FER1L6: variants seen among roughly 807,000 people sequenced by gnomAD.
FER1L6 encodes fer-1-like protein 6.
FER1L6 carries 177 observed loss-of-function variants against 219.2 expected under a neutral mutation model. The ratio of observed to expected loss-of-function variants is 0.81; its 90% CI spans 0.71 to 0.91. The LOEUF (loss-of-function observed/expected upper bound fraction) is 0.91. Ranked by LOEUF, FER1L6 falls within the 40% of genes least tolerant of loss-of-function variation. FER1L6 has a pLI of 0.00. For missense variants in FER1L6, 2,153 were observed against 2,259.9 expected (o/e 0.95, Z 0.96); for synonymous variants, 768 against 824.3 (o/e 0.93, Z 1.17).
chr8:123,978,997 A>C (rs1586546358), intron 10 of FER1L6, among the ~76,000 whole-genome samples: 1 of 152,350 alleles, frequency 6.6e-6, no homozygotes, highest in East Asian at 1.9e-4. Context: ...TCAGTGATTT[A>C]AAATATAGAC....
At chr8:123,948,241 C>A (rs953863310) in intron 1 of FER1L6, among the ~76,000 whole-genome samples, 2 of 152,206 alleles carry the variant, frequency 1.3e-5, no homozygotes, top group African/African-American at 4.8e-5. Context: ...TGAGGATTTA[C>A]TCAAGGTTGC....
intron 1 of FER1L6, among the ~76,000 whole-genome samples, chr8:123,890,625 A>ATT (rs59914385): frequency 0.16 from 14,276 of 90,942 alleles, 1,627 homozygotes; most frequent in African/African-American, 0.19. Flanking sequence ...TAAAAATTTG[A>ATT]TTTTTTTTTT....
At chr8:123,973,010 C>T (rs964195356) in intron 6 of FER1L6, among the ~76,000 whole-genome samples, 1 of 152,154 alleles carries the variant, frequency 6.6e-6, no homozygotes, top group Non-Finnish European at 1.5e-5. Flanking sequence ...TGATTCAAGG[C>T]AATATGTGAT....
At chr8:123,934,959 C>A (rs1321288562) in intron 1 of FER1L6, among the ~76,000 whole-genome samples, 3 of 152,164 alleles carry the variant, frequency 2.0e-5, no homozygotes, top group Non-Finnish European at 4.4e-5. Flanking sequence ...TTTCCTGAGG[C>A]CTTCCAGTCA....
At chr8:124,095,969 C>T (rs999467696) in intron 35 of FER1L6, among the ~76,000 whole-genome samples, 4 of 152,338 alleles carry the variant, frequency 2.6e-5, no homozygotes, top group Admixed American at 2.0e-4. Flanking sequence ...CAGGTTCACA[C>T]CCCGAGCCAG....
In FER1L6 at chr8:124,029,350, G is replaced by A. The variant is rs965708387; in HGVS notation, c.2286+5754G>A. On this transcript the variant is annotated intron_variant, in intron 18 of 40. Transcript: ENST00000522917. ...TCTGGTTCTAGATCCTTGAGGAATCGCCACACTGTCTTCCACAGTGGTTGA... is the reference window on the plus strand; with the variant it reads ...TCTGGTTCTAGATCCTTGAGGAATCACCACACTGTCTTCCACAGTGGTTGA... Among the ~76,000 whole-genome samples, 11 of 152,258 alleles carry A rather than the reference G, an allele frequency of 7.2e-5. No homozygotes were observed. In the South Asian group the frequency reaches 8.3e-4, roughly 11 times the overall value.
chr8:123,956,186 G>A lies in FER1L6; in HGVS notation c.76+112G>A, dbSNP rs560010006. On this transcript the variant is annotated intron_variant, in intron 2 of 40. Coordinates refer to ENST00000522917, the MANE Select transcript of FER1L6 (RefSeq NM_001039112.2). ...AATGGGAGCGAGGGGGAGTGTGAAT[G>A]TGCTGCCCCCGACCCTTTAGGTCCT... 40 of 970,124 alleles carry A rather than the reference G, an allele frequency of 4.1e-5. No individual in the cohort carries two copies. The African/African-American group carries it at 4.2e-4, about 10-fold the overall frequency. The allele number at this position is 970,124 out of a possible 1,614,324, so 60.1% of individuals were successfully genotyped here. A position where few individuals can be genotyped will look rare whatever the true frequency, so the allele number is the denominator to read the frequency against.
At chr8:123,855,350 G>T (rs1324117034) in intron 1 of FER1L6, among the ~76,000 whole-genome samples, 2 of 152,134 alleles carry the variant, frequency 1.3e-5, no homozygotes, top group East Asian at 3.9e-4. Flanking sequence ...CAGGGAGTTG[G>T]TTTGATTTTT....
chr8:124,090,925 G>A (rs1181747306), intron 33 of FER1L6, among the ~76,000 whole-genome samples: 1 of 152,054 alleles, frequency 6.6e-6, no homozygotes, highest in Non-Finnish European at 1.5e-5. Context: ...GTTCTCCTAG[G>A]GACTTAATAA....
chr8:123,860,521 G>GT (rs1816728071), intron 1 of FER1L6, among the ~76,000 whole-genome samples: 1 of 119,074 alleles, frequency 8.4e-6, no homozygotes, highest in African/African-American at 3.7e-5. Context: ...GGGTCAAATG[G>GT]TATTTCTACT....
chr8:123,920,703 A>G (rs1813334465), intron 1 of FER1L6, among the ~76,000 whole-genome samples: 1 of 152,262 alleles, frequency 6.6e-6, no homozygotes, highest in African/African-American at 2.4e-5. Flanking sequence ...GTAAAAAACC[A>G]TAAAATTTAC....
At chr8:124,093,832 G>T (rs1052825232) in intron 34 of FER1L6, among the ~76,000 whole-genome samples, 4 of 151,278 alleles carry the variant, frequency 2.6e-5, no homozygotes, top group Non-Finnish European at 5.9e-5. Flanking sequence ...GTACATAATA[G>T]GTATTTATAT....
At chr8:123,855,362 G>C (rs1244941686) in intron 1 of FER1L6, among the ~76,000 whole-genome samples, 1 of 152,092 alleles carries the variant, frequency 6.6e-6, no homozygotes, top group East Asian at 1.9e-4. Context: ...TTGATTTTTT[G>C]CTGTGTCCTC....
At chr8:124,024,904 T>A (rs1818636291) in intron 18 of FER1L6, among the ~76,000 whole-genome samples, 4 of 152,312 alleles carry the variant, frequency 2.6e-5, no homozygotes, top group African/African-American at 9.6e-5. Context: ...CCATTCTAGC[T>A]GGGGTAAGGT....
At chr8:123,947,777 T>C (rs1814569920) in intron 1 of FER1L6, among the ~76,000 whole-genome samples, 1 of 152,222 alleles carries the variant, frequency 6.6e-6, no homozygotes, top group Non-Finnish European at 1.5e-5. Flanking sequence ...AACAAAGTGC[T>C]AGTGGAGTCC....
chr8:124,054,769 G>A lies in FER1L6; in HGVS notation c.2874+5013G>A, dbSNP rs1195822167. ...CTGGAATGGACAAATGACAGGAAGC[G>A]GGAAGGCGATGAGGCCAGTGGGAAA... is the stretch of plus-strand genomic sequence containing the variant. On this transcript the variant is annotated intron_variant, in intron 22 of 40. Transcript: ENST00000522917. Among the ~76,000 whole-genome samples the A allele has an allele frequency of 5.9e-5, 9 of 152,304 alleles. No homozygotes were observed. The East Asian group carries it at 7.7e-4, about 13-fold the overall frequency.
At chr8:124,064,223 G>T in intron 25 of FER1L6, 124 bp from the exon 26 acceptor site, 1 of 815,810 alleles carries the variant, frequency 1.2e-6, no homozygotes. Context: ...AGAAAATGAG[G>T]TTCAGAAATA....
intron 29 of FER1L6, 26 bp downstream of exon 29, chr8:124,069,501 C>A (rs1586665175): frequency 6.5e-7 from 1 of 1,534,404 alleles, no homozygotes; most frequent in Non-Finnish European, 8.9e-7. Flanking sequence ...GGCATCTCTG[C>A]CATGGATGGG....
At position 124,056,650 on chromosome 8, in the gene FER1L6, T is replaced by C. The variant is rs10113218; in HGVS notation, c.2875-3530T>C. On this transcript the variant is annotated intron_variant, in intron 22 of 40. Coordinates refer to ENST00000522917, the MANE Select transcript of FER1L6 (RefSeq NM_001039112.2). Reference sequence around the variant, plus strand: ...GTTTTAAAGGTAAAGTGTCATTAACTGATTATTGACCTGCTAATGAAGACT... The same window carrying C: ...GTTTTAAAGGTAAAGTGTCATTAACCGATTATTGACCTGCTAATGAAGACT... Among the ~76,000 whole-genome samples the C allele has an allele frequency of 8.0e-3, 1,212 of 152,332 alleles. 12 individuals are homozygous for C. The highest frequency in any genetic ancestry group is 0.011 in the Non-Finnish European group (716 of 68,030).
Sources: allele counts gnomAD v4.1 joint callset (sites outside exome capture counted in the v4.1 genomes callset), GRCh38; gene constraint gnomAD v4.1.1; transcripts MANE v1.5; gene names NCBI Gene and HGNC (gene_info 2026-07-23, HGNC 2026-07-21).